RAD50: variants seen among roughly 807,000 people sequenced by gnomAD.
The protein encoded by RAD50 is DNA repair protein RAD50.
In RAD50, 132 loss-of-function variants were observed where a neutral mutation model predicts 168.8. The observed-to-expected ratio is 0.78, with a 90% CI of 0.68 to 0.90. The LOEUF is 0.90. RAD50 is among the 40% of genes least tolerant of loss of function. RAD50 has a pLI of 0.00. For synonymous variants in RAD50, 525 were observed against 497.4 expected (o/e 1.06, Z -0.74); for missense variants, 1,347 against 1,534.4 (o/e 0.88, Z 2.04).
At chr5:132,593,286 T>A (rs1032510353) in intron 11 of RAD50, 1 of 163,724 alleles carries the variant, frequency 6.1e-6, no homozygotes, top group African/African-American at 2.4e-5. Context: ...CTTAACCTTG[T>A]TAGTGCCTTA....
intron 21 of RAD50, among the ~76,000 whole-genome samples, chr5:132,625,109 C>T (rs1222671052): frequency 2.0e-5 from 3 of 146,406 alleles, no homozygotes; most frequent in Non-Finnish European, 4.5e-5. Context: ...TTTTTTGAGA[C>T]GGAGTCTCGC....
chr5:132,596,996 T>A (rs992163944), intron 13 of RAD50, among the ~76,000 whole-genome samples: 1 of 152,190 alleles, frequency 6.6e-6, no homozygotes, highest in Admixed American at 6.5e-5. Flanking sequence ...TTATAGGGAT[T>A]GAGTCCTGTA....
chr5:132,642,477 C>A lies in RAD50; in HGVS notation c.*113C>A. 3.8e-6 allele frequency: 4 copies of A among 1,039,766 alleles called. No individual in the cohort carries two copies. The South Asian group carries it at 4.7e-5, about 12-fold the overall frequency. 64.4% of individuals were successfully genotyped at this position (1,039,766 alleles called of 1,614,324 possible). A position where few individuals can be genotyped will look rare whatever the true frequency, so the allele number is the denominator to read the frequency against. On this transcript the variant is annotated 3_prime_UTR_variant, in exon 25 of 25. Transcript: ENST00000378823. The stretch of plus-strand genomic sequence containing the variant: ...AAGAAAATATATTCTTTCAAAGGAA[C>A]ATTGTGTCTAGGATTTTGGATGTTG...
At chr5:132,610,835 T>A (rs767993264) in intron 19 of RAD50, among the ~76,000 whole-genome samples, 1 of 152,206 alleles carries the variant, frequency 6.6e-6, no homozygotes, top group Non-Finnish European at 1.5e-5. Context: ...TACGAAATTG[T>A]TAAGATTAAT....
intron 21 of RAD50, among the ~76,000 whole-genome samples, chr5:132,628,153 G>T (rs971053144): frequency 2.0e-5 from 3 of 152,154 alleles, no homozygotes; most frequent in African/African-American, 7.2e-5. Context: ...GAGCTGTCAA[G>T]CAGGCAGTTG....
At position 132,618,115 on chromosome 5, in the gene RAD50, T is replaced by C. The variant is rs2149853828; in HGVS notation, c.3210T>C (p.Asn1070=). 2 of 1,613,660 alleles carry C rather than the reference T, an allele frequency of 1.2e-6. No individual in the cohort carries two copies. Among genetic ancestry groups the C allele is most frequent in the Non-Finnish European group, 1.7e-6 (2 of 1,179,786 alleles). Residue 1070 remains asparagine, a synonymous_variant, in exon 21 of 25, where the codon AAT becomes AAC. Coordinates refer to ENST00000378823, the MANE Select transcript of RAD50 (RefSeq NM_005732.4). ...AGAACATAGACAATATAAAAAGAAA[T>C]CATAATTTGGCATTAGGGCGACAGA... ...LEENIDNIKR[N]HNLALGRQKG... is the part of the protein sequence containing the mutation.
intron 13 of RAD50, 95 bp from the exon 14 acceptor site, chr5:132,603,205 T>C (rs370575411): frequency 4.4e-6 from 5 of 1,127,794 alleles, no homozygotes. Context: ...AAGAACACAA[T>C]GTCACTTCTG....
chr5:132,558,718 CAAAAA>C (rs35515008), intron 1 of RAD50, among the ~76,000 whole-genome samples: 221 of 75,806 alleles, frequency 2.9e-3, no homozygotes, highest in Middle Eastern at 9.4e-3. Context: ...TCTCCCCCCA[CAAAAA>C]AAAAAAAAAA....
intron 2 of RAD50, among the ~76,000 whole-genome samples, chr5:132,562,830 A>C (rs1750144541): frequency 6.6e-6 from 1 of 152,192 alleles, no homozygotes; most frequent in Non-Finnish European, 1.5e-5. Flanking sequence ...AGAGCCGATG[A>C]TGCCTTTAGA....
At chr5:132,639,550 G>A (rs533928471) in intron 23 of RAD50, among the ~76,000 whole-genome samples, 87 of 152,286 alleles carry the variant, frequency 5.7e-4, no homozygotes, top group African/African-American at 2.0e-3. Context: ...AAAATACAGA[G>A]TTTGAAACAT....
Position 132,575,790 on chromosome 5 carries a change from CAG to C in RAD50, c.229_230del (p.Asp77CysfsTer11). 5.0e-6 allele frequency: 8 copies of C among 1,596,206 alleles called. No individual in the cohort carries two copies. The highest frequency in any genetic ancestry group is 6.9e-6 in the Non-Finnish European group (8 of 1,163,730). ...TTTCCTTCAAAGGTTGCTCAAGAAA[CAG>C]ATGTGAGAGCCCAGATTCGTCTGCA... is the stretch of plus-strand genomic sequence containing the variant. On this transcript the variant is annotated frameshift_variant, in exon 3 of 25. Transcript: ENST00000378823. LOFTEE classifies it high-confidence loss of function.
At chr5:132,605,685 C>T (rs796777936) in intron 16 of RAD50, among the ~76,000 whole-genome samples, 2 of 152,174 alleles carry the variant, frequency 1.3e-5, no homozygotes, top group South Asian at 4.1e-4. Flanking sequence ...CCAGAACTCT[C>T]AGCACCTCAT....
rs577724141 is a variant in RAD50, at chr5:132,568,934, G to A, written c.214-6843G>A. 4.6e-5 allele frequency among the ~76,000 whole-genome samples: 7 copies of A among 152,252 alleles called. No individual in the cohort carries two copies. In the South Asian group the frequency reaches 1.5e-3, roughly 32 times the overall value. On this transcript the variant is annotated intron_variant, in intron 2 of 24. Transcript: ENST00000378823. ...CCCCTTTACAGACCTTAACAACAAA[G>A]GTTCAAAAGAATCCAACTGTTTGTT...
At chr5:132,631,953 C>T (rs554767652) in intron 21 of RAD50, among the ~76,000 whole-genome samples, 3 of 152,270 alleles carry the variant, frequency 2.0e-5, no homozygotes, top group South Asian at 2.1e-4. Context: ...TATCTCTTAC[C>T]GTCCTTCCTA....
In RAD50 at chr5:132,557,892, A is replaced by G. The variant is rs568936419; in HGVS notation, c.129+439A>G. 1.8e-3 allele frequency among the ~76,000 whole-genome samples: 267 copies of G among 152,328 alleles called. 1 individual carries two copies. Among genetic ancestry groups the G allele is most frequent in the African/African-American group, 6.2e-3 (257 of 41,572 alleles). ...GTTTCCAAGTATGCCAACTGTCCAGACATAATACATGGAAAATAAATAAAT... is the reference window on the plus strand; with the variant it reads ...GTTTCCAAGTATGCCAACTGTCCAGGCATAATACATGGAAAATAAATAAAT... On this transcript the variant is annotated intron_variant, in intron 1 of 24. Transcript: ENST00000378823.
chr5:132,602,337 T>A (rs1750903648), intron 13 of RAD50, among the ~76,000 whole-genome samples: 1 of 152,254 alleles, frequency 6.6e-6, no homozygotes, highest in Admixed American at 6.5e-5. Flanking sequence ...CAATATAATT[T>A]TAAATAAGAA....
At chr5:132,628,444 G>A (rs1220776226) in intron 21 of RAD50, among the ~76,000 whole-genome samples, 1 of 152,200 alleles carries the variant, frequency 6.6e-6, no homozygotes, top group Non-Finnish European at 1.5e-5. Context: ...CTAAGAAGTG[G>A]CCCTTAAATT....
At chr5:132,582,268 A>G (rs771038792) in intron 5 of RAD50, among the ~76,000 whole-genome samples, 13 of 152,114 alleles carry the variant, frequency 8.5e-5, no homozygotes, top group Non-Finnish European at 1.8e-4. Context: ...TGAGGTATTT[A>G]TTTACTTGTT....
chr5:132,571,200 G>A (rs1247178032), intron 2 of RAD50, among the ~76,000 whole-genome samples: 2 of 152,138 alleles, frequency 1.3e-5, no homozygotes, highest in East Asian at 3.8e-4. Context: ...TTGAAATATT[G>A]TGAGAATTAC....
Sources: gnomAD v4.1 joint callset for allele counts (sites outside exome capture counted in the v4.1 genomes callset) on GRCh38, gnomAD v4.1.1 for gene constraint, MANE v1.5 for transcripts, NCBI Gene and HGNC (gene_info 2026-07-23, HGNC 2026-07-21) for gene names.